Variants in SMTN observed in about 807,000 individuals in gnomAD.
SMTN encodes the protein smoothelin.
A neutral mutation model predicts 102.0 loss-of-function variants in SMTN; 58 were observed. That is an observed-to-expected ratio of 0.57 (90% CI 0.46 to 0.71). SMTN has a LOEUF of 0.71. SMTN is among the 30% of genes least tolerant of loss of function. The pLI is 0.00. For synonymous variants in SMTN, 478 were observed against 497.9 expected (o/e 0.96, Z 0.53); for missense variants, 1,185 against 1,241.7 (o/e 0.95, Z 0.69).
intron 1 of SMTN, among the ~76,000 whole-genome samples, chr22:31,070,594 C>T (rs992440283): frequency 1.3e-5 from 2 of 152,148 alleles, no homozygotes. Context: ...CTCCTCTGAC[C>T]TCCCAGAACT....
chr22:31,088,157 G>A (rs1386629894), intron 3 of SMTN, 44 bp downstream of exon 3: 5 of 1,552,714 alleles, frequency 3.2e-6, no homozygotes, highest in Admixed American at 1.8e-5. Flanking sequence ...AGGTGAGTGT[G>A]AGCCCTGGCT....
chr22:31,099,223 C>G (rs1348654977), intron 18 of SMTN, 44 bp downstream of exon 18: 1 of 1,261,546 alleles, frequency 7.9e-7, no homozygotes, highest in South Asian at 1.2e-5. Context: ...TCCCCAGACC[C>G]CAGCTCAACA....
At chr22:31,072,045 A>G (rs1211428553) in intron 1 of SMTN, among the ~76,000 whole-genome samples, 1 of 152,156 alleles carries the variant, frequency 6.6e-6, no homozygotes, top group East Asian at 1.9e-4. Context: ...ACCACAAGAG[A>G]TAGAGGGAAG....
chr22:31,104,547 A>G lies in SMTN; in HGVS notation c.*252A>G. On this transcript the variant is annotated 3_prime_UTR_variant, in exon 21 of 21. Coordinates refer to ENST00000333137, the MANE Select transcript of SMTN (RefSeq NM_134269.3). Reference sequence around the variant, plus strand: ...CCGTCTCCTGCCTGTGCGTCCGCCCACCGCTGCCCTGTCTGTTGCGACACC... The same window carrying G: ...CCGTCTCCTGCCTGTGCGTCCGCCCGCCGCTGCCCTGTCTGTTGCGACACC... The G allele has an allele frequency of 3.5e-6, 5 of 1,444,320 alleles. No homozygotes were observed. The highest frequency in any genetic ancestry group is 3.8e-6 in the Non-Finnish European group (4 of 1,042,530). 89.5% of individuals were successfully genotyped at this position (1,444,320 alleles called of 1,614,324 possible).
rs535879916 is a variant in SMTN, at chr22:31,099,926, T to G, written c.2603+30T>G. The G allele has an allele frequency of 3.3e-4, 532 of 1,608,218 alleles. 5 individuals carry two copies. The South Asian group carries it at 5.6e-3, about 17-fold the overall frequency. ...GTGTGGGCCCTGGCCCTGCTAATGT[T>G]GCTGCACATCTGGGGCTGGACATCG... On this transcript the variant is annotated intron_variant, in intron 19 of 20. Transcript: ENST00000333137.
chr22:31,096,029 A>C, intron 13 of SMTN: 1 of 270,788 alleles, frequency 3.7e-6, no homozygotes, highest in South Asian at 4.1e-5. Flanking sequence ...TCCTGGACAC[A>C]ACTACTTCCT....
chr22:31,095,436 A>AAGGAGT lies in SMTN; in HGVS notation c.1767_1772dup (p.Gly590_Val591dup), dbSNP rs1332727479. ...GAGGAGCTGATGACTATTGAGGATG[A>AAGGAGT]AGGAGTCTTGGACAAGATGGTATAG... is the stretch of plus-strand genomic sequence containing the variant. On this transcript the variant is annotated inframe_insertion, in exon 12 of 21. Transcript: ENST00000333137. This position sits in a 1 kb window ranked among gnomAD's most constrained non-coding sequence, Gnocchi z 4.1. 2 of 1,614,254 alleles carry AAGGAGT rather than the reference A, an allele frequency of 1.2e-6. No individual in the cohort carries two copies. The highest frequency in any genetic ancestry group is 1.7e-6 in the Non-Finnish European group (2 of 1,180,042).
intron 20 of SMTN, chr22:31,102,169 C>T (rs1351192618): frequency 1.3e-5 from 2 of 152,096 alleles, no homozygotes; most frequent in Admixed American, 1.3e-4. Context: ...ACCTCAGTAC[C>T]AAAGTAAAGA....
intron 11 of SMTN, chr22:31,094,007 C>G (rs2147737466): frequency 2.9e-6 from 2 of 687,548 alleles, no homozygotes; most frequent in Middle Eastern, 7.1e-4. Context: ...CACTAGTGCT[C>G]TAAGACTAGG....
intron 18 of SMTN, chr22:31,099,514 C>G: frequency 5.1e-6 from 3 of 593,880 alleles, no homozygotes; most frequent in Non-Finnish European, 9.0e-6. Flanking sequence ...ATGACCATAG[C>G]CTTAGCTGGG....
intron 20 of SMTN, chr22:31,101,769 G>A (rs927293034): frequency 7.7e-6 from 1 of 129,686 alleles, no homozygotes; most frequent in South Asian, 2.7e-4. Context: ...GGGTGACAGA[G>A]CGAGACTCCA....
At chr22:31,093,742 G>T in intron 11 of SMTN, 5 of 1,454,928 alleles carry the variant, frequency 3.4e-6, no homozygotes, top group Non-Finnish European at 4.8e-6. Context: ...GGAGCCCAGC[G>T]AGCTGCTCCT....
intron 1 of SMTN, among the ~76,000 whole-genome samples, chr22:31,069,377 C>T (rs1332682229): frequency 6.6e-6 from 1 of 152,174 alleles, no homozygotes; most frequent in African/African-American, 2.4e-5. Context: ...TTGGAGAGAA[C>T]TGCCTCCCCA....
At chr22:31,080,836 G>T (rs1475776019), upstream of SMTN, 2 of 152,406 alleles carry the variant, frequency 1.3e-5, no homozygotes, top group Non-Finnish European at 2.9e-5. Flanking sequence ...CAGGGTCAAG[G>T]TGCTGCCAGT....
At position 31,091,126 on chromosome 22, in the gene SMTN, C is replaced by A; in HGVS notation, c.1103C>A (p.Ser368Tyr). 2 of 1,613,910 alleles carry A rather than the reference C, an allele frequency of 1.2e-6. No homozygotes were observed. The highest frequency in any genetic ancestry group is 8.5e-7 in the Non-Finnish European group (1 of 1,179,902). The change falls in exon 10 of 21, where the codon TCC (serine) becomes TAC (tyrosine). Residue 368 changes from serine (S) to tyrosine (Y), a missense_variant. Coordinates refer to ENST00000333137, the MANE Select transcript of SMTN (RefSeq NM_134269.3). ...PLTPARLLGP[S>Y]LTSTTPASSS... ...ACCCCCGCAAGGCTCCTGGGCCCCT[C>A]CCTCACCAGCACCACCCCTGCCTCC...
chr22:31,088,760 G>T lies in SMTN; in HGVS notation c.356G>T (p.Arg119Leu). 6.2e-7 allele frequency: 1 copy of T among 1,612,760 alleles called. No individual in the cohort carries two copies. The highest frequency in any genetic ancestry group is 2.2e-5 in the East Asian group (1 of 44,810). Reference sequence around the variant, plus strand: ...ATCCGAGCTGCCATCCGCCGTGTACGGGCTCAGGAGATTGAGGGTATGTGG... The same window carrying T: ...ATCCGAGCTGCCATCCGCCGTGTACTGGCTCAGGAGATTGAGGGTATGTGG... ...KLIRAAIRRV[R>L]AQEIEAATLA... Residue 119 changes from arginine to leucine, a missense_variant, in exon 5 of 21, where the codon CGG becomes CTG. By Grantham distance (102) the Arg-to-Leu change is moderately radical (BLOSUM62 -2). This residue lies in a region of SMTN where 1,096 missense variants were observed against 1,112.7 expected (regional missense o/e 0.98). Coordinates refer to ENST00000333137, the MANE Select transcript of SMTN (RefSeq NM_134269.3).
intron 1 of SMTN, among the ~76,000 whole-genome samples, chr22:31,070,960 G>T (rs2041984599): frequency 6.7e-6 from 1 of 150,138 alleles, no homozygotes. Flanking sequence ...AACGATTTAA[G>T]CCTGAGTGCA....
rs1316010931 is a variant in SMTN at position 31,082,982 on chromosome 22, A to G, written c.-80-197A>G. On this transcript the variant is annotated intron_variant, in intron 1 of 20. Transcript: ENST00000333137. ...GCCAAGCTGGCAGGGCTGGAACCAGAGACCCCCTACCCTGGGTTTGGTGAG... is the reference window on the plus strand; with the variant it reads ...GCCAAGCTGGCAGGGCTGGAACCAGGGACCCCCTACCCTGGGTTTGGTGAG... The G allele has an allele frequency of 6.9e-7, 1 of 1,441,478 alleles. No homozygotes were observed. Among genetic ancestry groups the G allele is most frequent in the Admixed American group, 2.0e-5 (1 of 50,880 alleles). 89.3% of individuals were successfully genotyped at this position (1,441,478 alleles called of 1,614,324 possible). A position where few individuals can be genotyped will look rare whatever the true frequency, so the allele number is the denominator to read the frequency against.
intron 1 of SMTN, among the ~76,000 whole-genome samples, chr22:31,081,914 C>T (rs1054024828): frequency 6.6e-6 from 1 of 152,202 alleles, no homozygotes; most frequent in Non-Finnish European, 1.5e-5. Flanking sequence ...AGGTTTAACC[C>T]AGACAGAGTA....
Sources: allele counts gnomAD v4.1 joint callset (sites outside exome capture counted in the v4.1 genomes callset), GRCh38; gene constraint gnomAD v4.1.1; regional missense constraint gnomAD v4.1.1; non-coding constraint Gnocchi (gnomAD v3.1); transcripts MANE v1.5; gene names NCBI Gene and HGNC (gene_info 2026-07-23, HGNC 2026-07-21).